Variants in ARMC2 observed in about 807,000 individuals in gnomAD.
ARMC2 encodes the protein armadillo repeat-containing protein 2.
Under a neutral mutation model 90.3 loss-of-function variants are expected in ARMC2, and 67 were observed. The ratio of observed to expected loss-of-function variants is 0.74; its 90% CI spans 0.61 to 0.91. The LOEUF (loss-of-function observed/expected upper bound fraction) is 0.91, where lower values mean the gene tolerates loss of function less well. Ranked by LOEUF, ARMC2 falls within the 40% of genes least tolerant of loss-of-function variation. The pLI is 0.00. For synonymous variants in ARMC2, 393 were observed against 393.0 expected, an observed-to-expected ratio of 1.00 and a Z score of 0.00; for missense variants, 920 against 1,030.9, an observed-to-expected ratio of 0.89 and a Z score of 1.47.
At chr6:108,999,069 G>A in the ARMC2 span, 19 of 186,606 alleles carry the variant, frequency 1.0e-4, no homozygotes, top group South Asian at 2.1e-3. Context: ...ATGAATTACT[G>A]TGTTGTTAGT....
At chr6:108,979,751 A>G in the ARMC2 span, among the ~76,000 whole-genome samples, 1 of 151,162 alleles carries the variant, frequency 6.6e-6, no homozygotes, top group Non-Finnish European at 1.5e-5. Flanking sequence ...TTGATCTTCA[A>G]TCTCTGATAT....
intron 9 of ARMC2, among the ~76,000 whole-genome samples, 179 bp from the exon 10 acceptor site, chr6:108,912,156 C>T (rs9374058): frequency 0.037 from 5,640 of 152,176 alleles, 235 homozygotes; most frequent in East Asian, 0.2. Flanking sequence ...ATTACAGAGA[C>T]TTATCTTAGC....
the ARMC2 span, among the ~76,000 whole-genome samples, chr6:109,052,301 AAAGAT>A: frequency 6.6e-6 from 1 of 151,992 alleles, no homozygotes; most frequent in Non-Finnish European, 1.5e-5. Flanking sequence ...AGAAAATTTT[AAAGAT>A]AATTTTTGTT....
chr6:108,860,528 G>A (rs574622498), intron 3 of ARMC2, among the ~76,000 whole-genome samples: 1 of 152,164 alleles, frequency 6.6e-6, no homozygotes, highest in East Asian at 1.9e-4. Flanking sequence ...CGAGTGTGGT[G>A]GCAGGTGCCT....
chr6:109,019,870 C>T, the ARMC2 span, among the ~76,000 whole-genome samples: 2 of 152,154 alleles, frequency 1.3e-5, no homozygotes, highest in Non-Finnish European at 1.5e-5. Flanking sequence ...AATTAAACTA[C>T]AGTACTTTAG....
At chr6:109,043,884 C>T in the ARMC2 span, among the ~76,000 whole-genome samples, 2 of 152,086 alleles carry the variant, frequency 1.3e-5, no homozygotes, top group Non-Finnish European at 2.9e-5. Flanking sequence ...AACAGTCATA[C>T]TAACTGTTTT....
At chr6:108,851,541 C>T (rs913498946) in intron 1 of ARMC2, among the ~76,000 whole-genome samples, 2 of 152,120 alleles carry the variant, frequency 1.3e-5, no homozygotes, top group Non-Finnish European at 2.9e-5. Flanking sequence ...GTTGCAGCCC[C>T]AATGCCTCTA....
intron 5 of ARMC2, chr6:108,880,253 C>A: frequency 3.6e-6 from 1 of 275,270 alleles, no homozygotes; most frequent in Non-Finnish European, 7.1e-6. Flanking sequence ...CTGCTCAGTC[C>A]GTATTTGGAG....
chr6:108,989,119 C>T, the ARMC2 span, among the ~76,000 whole-genome samples: 19 of 152,246 alleles, frequency 1.2e-4, no homozygotes, highest in African/African-American at 4.3e-4. Context: ...TCTCTCACCT[C>T]AGCCTCCCGA....
the ARMC2 span, among the ~76,000 whole-genome samples, chr6:109,006,123 A>T: frequency 6.6e-6 from 1 of 152,226 alleles, no homozygotes; most frequent in African/African-American, 2.4e-5. Context: ...GTTTTAAATT[A>T]TACTACCTGT....
chr6:109,003,341 A>G, the ARMC2 span, among the ~76,000 whole-genome samples: 3 of 147,570 alleles, frequency 2.0e-5, no homozygotes, highest in African/African-American at 7.5e-5. Flanking sequence ...TATAAACCAG[A>G]TATTTTCCTT....
At chr6:109,009,275 G>T in the ARMC2 span, 1 of 1,222,108 alleles carries the variant, frequency 8.2e-7, no homozygotes, top group Non-Finnish European at 1.1e-6. Context: ...GAGGCAACGT[G>T]ACCTCCGTGT....
intron 10 of ARMC2, among the ~76,000 whole-genome samples, chr6:108,918,573 G>C (rs1774227060): frequency 6.6e-6 from 1 of 152,022 alleles, no homozygotes; most frequent in Admixed American, 6.6e-5. Context: ...TTGCCGTTGG[G>C]AACCCTGATG....
intron 10 of ARMC2, among the ~76,000 whole-genome samples, chr6:108,914,152 G>A (rs1773712112): frequency 6.6e-6 from 1 of 152,134 alleles, no homozygotes; most frequent in African/African-American, 2.4e-5. Flanking sequence ...CACTGTGTGT[G>A]TATGTCTGTG....
intron 8 of ARMC2, chr6:108,907,530 A>G: frequency 9.1e-7 from 1 of 1,097,464 alleles, no homozygotes; most frequent in Non-Finnish European, 1.3e-6. Context: ...GAAAGAATTC[A>G]GCAACGATCG....
chr6:108,975,116 A>G (rs1778959725), downstream of ARMC2, among the ~76,000 whole-genome samples: 1 of 151,882 alleles, frequency 6.6e-6, no homozygotes. Flanking sequence ...ATAACCCATC[A>G]TCTACATTAG....
chr6:109,030,255 A>C, the ARMC2 span, among the ~76,000 whole-genome samples: 2 of 152,208 alleles, frequency 1.3e-5, no homozygotes, highest in African/African-American at 4.8e-5. Context: ...GTCTAAGGAG[A>C]GATATGACAA....
the ARMC2 span, chr6:108,986,563 A>T: frequency 3.9e-5 from 6 of 152,678 alleles, no homozygotes; most frequent in Admixed American, 1.3e-4. Flanking sequence ...CATTTCAAAC[A>T]AAGTTAGCGT....
At chr6:108,876,497 T>A in intron 5 of ARMC2, 147 bp downstream of exon 5, 3 of 723,772 alleles carry the variant, frequency 4.1e-6, no homozygotes, top group Non-Finnish European at 6.7e-6. Context: ...GAGAGACTAC[T>A]TCTCATGGCC....
Sources: gnomAD v4.1 joint callset for allele counts (sites outside exome capture counted in the v4.1 genomes callset) on GRCh38, gnomAD v4.1.1 for gene constraint, MANE v1.5 for transcripts, NCBI Gene and HGNC (gene_info 2026-07-23, HGNC 2026-07-21) for gene names.